The following FARSB variants were observed in gnomAD, a reference collection of about 807,000 sequenced individuals.
FARSB encodes phenylalanine--tRNA ligase beta subunit.
Under a neutral mutation model 69.6 loss-of-function variants are expected in FARSB, and 40 were observed. That is an observed-to-expected ratio of 0.57 (90% CI 0.45 to 0.75). The LOEUF is 0.75. Ranked by LOEUF, FARSB falls within the 30% of genes least tolerant of loss-of-function variation. FARSB has a pLI of 0.00. For missense variants in FARSB, 632 were observed against 722.9 expected (o/e 0.87, Z 1.44); for synonymous variants, 235 against 247.2 (o/e 0.95, Z 0.46).
At chr2:222,614,226 G>A (rs1690939861) in intron 14 of FARSB, among the ~76,000 whole-genome samples, 1 of 152,060 alleles carries the variant, frequency 6.6e-6, no homozygotes, top group African/African-American at 2.4e-5. Flanking sequence ...TCTAAGCCTT[G>A]GTTATTTTAT....
At chr2:222,608,906 C>G (rs141748916) in intron 15 of FARSB, among the ~76,000 whole-genome samples, 1 of 152,250 alleles carries the variant, frequency 6.6e-6, no homozygotes, top group East Asian at 1.9e-4. Context: ...TTATTAAAAT[C>G]CAACATTTTG....
intron 13 of FARSB, among the ~76,000 whole-genome samples, chr2:222,622,284 T>C (rs537546725): frequency 6.6e-6 from 1 of 152,254 alleles, no homozygotes; most frequent in Admixed American, 6.5e-5. Context: ...GCAATGGATA[T>C]TGTAATAAGT....
intron 16 of FARSB, among the ~76,000 whole-genome samples, chr2:222,586,827 C>T (rs1227286206): frequency 6.6e-6 from 1 of 152,172 alleles, no homozygotes; most frequent in Non-Finnish European, 1.5e-5. Flanking sequence ...TATATATGCA[C>T]CCAATACAGG....
chr2:222,615,038 A>G (rs1399688138), intron 14 of FARSB, among the ~76,000 whole-genome samples: 1 of 152,198 alleles, frequency 6.6e-6, no homozygotes, highest in Non-Finnish European at 1.5e-5. Flanking sequence ...AATGTGAAAG[A>G]AAGCATGTAC....
At chr2:222,636,373 G>C (rs142100963) in intron 5 of FARSB, among the ~76,000 whole-genome samples, 1 of 134,700 alleles carries the variant, frequency 7.4e-6, no homozygotes, top group Non-Finnish European at 1.5e-5. Context: ...GCGAGAGTGC[G>C]AGACTCTATC....
chr2:222,615,613 G>GCTTCCTTC (rs1270008527), intron 14 of FARSB, among the ~76,000 whole-genome samples: 1 of 152,182 alleles, frequency 6.6e-6, no homozygotes, highest in East Asian at 1.9e-4. Context: ...TTCACATGTG[G>GCTTCCTTC]CTTCCTTCCT....
At chr2:222,597,231 A>G (rs962269802) in intron 16 of FARSB, among the ~76,000 whole-genome samples, 19 of 152,330 alleles carry the variant, frequency 1.2e-4, no homozygotes, top group Middle Eastern at 6.8e-3. Flanking sequence ...ATGTTCATAA[A>G]TCTTGGACAT....
chr2:222,639,556 A>G, intron 5 of FARSB, 24 bp downstream of exon 5: 2 of 1,159,258 alleles, frequency 1.7e-6, no homozygotes, highest in East Asian at 2.5e-5. Context: ...GAAGGCAAGG[A>G]AGAAAGAAAA....
intron 1 of FARSB, among the ~76,000 whole-genome samples, chr2:222,652,411 A>G (rs542462130): frequency 6.6e-5 from 10 of 152,188 alleles, no homozygotes; most frequent in Admixed American, 4.6e-4. Context: ...TCCCTTCCAC[A>G]TTGTGCTAGG....
intron 10 of FARSB, among the ~76,000 whole-genome samples, chr2:222,626,094 A>G (rs550096169): frequency 6.6e-6 from 1 of 152,064 alleles, no homozygotes; most frequent in Non-Finnish European, 1.5e-5. Context: ...TAAAAATACA[A>G]AAAAGTTGGC....
At chr2:222,655,272 CTCCT>C (rs1240627082) in intron 1 of FARSB, among the ~76,000 whole-genome samples, 1 of 151,944 alleles carries the variant, frequency 6.6e-6, no homozygotes, top group Non-Finnish European at 1.5e-5. Flanking sequence ...TAATATCTCC[CTCCT>C]TTTTTTCAAT....
intron 15 of FARSB, among the ~76,000 whole-genome samples, chr2:222,603,430 G>A (rs1690614863): frequency 6.6e-6 from 1 of 151,736 alleles, no homozygotes; most frequent in Admixed American, 6.6e-5. Flanking sequence ...ATAAATGGAG[G>A]AAAACGAAAA....
rs1248744782 is a variant in FARSB, at chr2:222,617,273, T to C, written c.1344+2372A>G. Among the ~76,000 whole-genome samples, 3 of 152,202 alleles carry C rather than the reference T, an allele frequency of 2.0e-5. No homozygotes were observed. In the East Asian group the frequency reaches 5.8e-4, roughly 29 times the overall value. ...CCTCGGCCTCCCAAGAAAGATTGAT[T>C]CTTAAGTGTGCTAAGCCACAGCTAT... On this transcript the variant is annotated intron_variant, in intron 14 of 16. Transcript: ENST00000281828.
At chr2:222,583,501 A>C (rs967254611) in intron 16 of FARSB, among the ~76,000 whole-genome samples, 1 of 152,256 alleles carries the variant, frequency 6.6e-6, no homozygotes, top group Admixed American at 6.5e-5. Flanking sequence ...ATTAGTGAAG[A>C]AACATCAGAC....
intron 16 of FARSB, among the ~76,000 whole-genome samples, chr2:222,587,602 G>T (rs1462851596): frequency 1.3e-5 from 2 of 152,076 alleles, no homozygotes; most frequent in African/African-American, 4.8e-5. Context: ...AAAATTGATA[G>T]ACCACTAGCA....
intron 14 of FARSB, among the ~76,000 whole-genome samples, chr2:222,615,706 C>G (rs1690978884): frequency 6.6e-6 from 1 of 152,224 alleles, no homozygotes; most frequent in Non-Finnish European, 1.5e-5. Context: ...CTCTTAGATC[C>G]TGCACAAGTA....
In FARSB at chr2:222,571,691, T is replaced by C. The variant is rs894547453; in HGVS notation, c.*180A>G. On this transcript the variant is annotated 3_prime_UTR_variant, in exon 17 of 17. Coordinates refer to ENST00000281828, the MANE Select transcript of FARSB (RefSeq NM_005687.5). Reference sequence around the variant, plus strand: ...CACACACAGACACCACACTGGTATATGGCACAAGCTGGCCTAATATGCAGG... The same window carrying C: ...CACACACAGACACCACACTGGTATACGGCACAAGCTGGCCTAATATGCAGG... The C allele has an allele frequency of 5.3e-6, 3 of 565,450 alleles. No individual in the cohort carries two copies. The highest frequency in any genetic ancestry group is 1.9e-5 in the African/African-American group (1 of 51,918). 35.0% of individuals were successfully genotyped at this position (565,450 alleles called of 1,614,324 possible).
rs1485879963 is a variant in FARSB at position 222,568,389 on chromosome 2, A to G, written c.*3482T>C. Reference sequence around the variant, plus strand: ...TCTGTGGACTCCAAGTCACTCTTTTATAGTGTCTCAAACTCATTTATTGGC... The same window carrying G: ...TCTGTGGACTCCAAGTCACTCTTTTGTAGTGTCTCAAACTCATTTATTGGC... On this transcript the variant is annotated 3_prime_UTR_variant, in exon 17 of 17. Coordinates refer to ENST00000281828, the MANE Select transcript of FARSB (RefSeq NM_005687.5). This position sits in a 1 kb window ranked among gnomAD's most constrained non-coding sequence, Gnocchi z 4.3. 1 of 152,214 alleles carries G rather than the reference A, an allele frequency of 6.6e-6. No individual in the cohort carries two copies. The highest frequency in any genetic ancestry group is 1.5e-5 in the Non-Finnish European group (1 of 68,032). 9.4% of individuals were successfully genotyped at this position (152,214 alleles called of 1,614,324 possible).
intron 16 of FARSB, among the ~76,000 whole-genome samples, chr2:222,592,375 T>A (rs1289356332): frequency 6.6e-6 from 1 of 152,110 alleles, no homozygotes; most frequent in East Asian, 1.9e-4. Context: ...TTTATCAGAA[T>A]ACATCATGTT....
Sources: gnomAD v4.1 joint callset for allele counts (sites outside exome capture counted in the v4.1 genomes callset) on GRCh38, gnomAD v4.1.1 for gene constraint, Gnocchi (gnomAD v3.1) non-coding constraint, MANE v1.5 for transcripts, NCBI Gene and HGNC (gene_info 2026-07-23, HGNC 2026-07-21) for gene names.